Variants in AGPAT4 observed in about 807,000 individuals in gnomAD.
The protein encoded by AGPAT4 is 1-acyl-sn-glycerol-3-phosphate acyltransferase delta.
A neutral mutation model predicts 48.0 loss-of-function variants in AGPAT4; 15 were observed. That is an observed-to-expected ratio of 0.31 (90% CI 0.21 to 0.48). The LOEUF (loss-of-function observed/expected upper bound fraction) is 0.48. Among genes scored for constraint, AGPAT4 ranks in the 20% least tolerant of loss-of-function variants. The pLI is 0.99. For missense variants in AGPAT4, 314 were observed against 482.5 expected (o/e 0.65, Z 3.27); for synonymous variants, 178 against 198.7 (o/e 0.90, Z 0.88).
rs568903712 is a variant in AGPAT4 at position 161,251,068 on chromosome 6, T to C, written c.-89-18766A>G. Among the ~76,000 whole-genome samples, 17 of 152,340 alleles carry C rather than the reference T, an allele frequency of 1.1e-4. No homozygotes were observed. In the South Asian group the frequency reaches 3.5e-3, roughly 32 times the overall value. ...GTTTAAATTACGATGAAGTAAGAAC[T>C]GTAATTTCTTTCATAATGTTTAAAC... On this transcript the variant is annotated intron_variant, in intron 1 of 8. Coordinates refer to ENST00000320285, the MANE Select transcript of AGPAT4 (RefSeq NM_020133.3). The surrounding 1 kb of genome is among the most constrained non-coding windows in gnomAD (Gnocchi z 4.6).
Position 161,223,767 on chromosome 6 carries a change from G to C in AGPAT4, c.178+8269C>G, listed in dbSNP as rs1340477737. 1.3e-5 allele frequency among the ~76,000 whole-genome samples: 2 copies of C among 152,164 alleles called. No individual in the cohort carries two copies. Among genetic ancestry groups the C allele is most frequent in the African/African-American group, 4.8e-5 (2 of 41,438 alleles). ...CTTGGCTCCTCAAATGCAGGGCAGG[G>C]CTGGGTTGTGCCAAAGTGAAAGGCT... On this transcript the variant is annotated intron_variant, in intron 2 of 8. Coordinates refer to ENST00000320285, the MANE Select transcript of AGPAT4 (RefSeq NM_020133.3). This position sits in a 1 kb window ranked among gnomAD's most constrained non-coding sequence, Gnocchi z 6.3.
intron 8 of AGPAT4, 36 bp from the exon 9 acceptor site, chr6:161,136,670 CA>C (rs1562307271): frequency 1.3e-6 from 2 of 1,590,640 alleles, no homozygotes. Context: ...AGGAGTAGCC[CA>C]AACAGACTAC....
rs375011382 is a variant in AGPAT4 at position 161,228,661 on chromosome 6, T to TAAAAAA, written c.178+3369_178+3374dup. On this transcript the variant is annotated intron_variant, in intron 2 of 8. Coordinates refer to ENST00000320285, the MANE Select transcript of AGPAT4 (RefSeq NM_020133.3). ...TTTGAAACCCACAATGTCAGAGAGG[T>TAAAAAA]AAAAAAAAAAAAAAAAGCCAGTCTT... Among the ~76,000 whole-genome samples the TAAAAAA allele has an allele frequency of 2.1e-3, 174 of 84,106 alleles. 3 individuals carry two copies. Among genetic ancestry groups the TAAAAAA allele is most frequent in the African/African-American group, 8.9e-3 (160 of 17,882 alleles). 55.2% of individuals were successfully genotyped at this position (84,106 alleles called of 152,430 possible).
At position 161,130,962 on chromosome 6, in the gene AGPAT4, G is replaced by A. The variant is rs1778883148; in HGVS notation, c.*5578C>T. The stretch of plus-strand genomic sequence containing the variant: ...TTTGGCAAAGATCTGGCTAAAACTA[G>A]TACTATGGAATAGAAAAGGAAAAGT... On this transcript the variant is annotated 3_prime_UTR_variant, in exon 9 of 9. Coordinates refer to ENST00000320285, the MANE Select transcript of AGPAT4 (RefSeq NM_020133.3). The A allele has an allele frequency of 2.0e-6, 1 of 511,116 alleles. No individual in the cohort carries two copies. The highest frequency in any genetic ancestry group is 1.9e-5 in the African/African-American group (1 of 51,734). The allele number at this position is 511,116 out of a possible 1,614,324, so 31.7% of individuals were successfully genotyped here. A position where few individuals can be genotyped will look rare whatever the true frequency, so the allele number is the denominator to read the frequency against.
intron 1 of AGPAT4, among the ~76,000 whole-genome samples, chr6:161,248,685 G>T (rs1782731017): frequency 6.6e-6 from 1 of 151,772 alleles, no homozygotes; most frequent in African/African-American, 2.4e-5. Flanking sequence ...CACAACGAAT[G>T]AAGAAATATT....
In AGPAT4 at chr6:161,205,737, CAAT is replaced by C. The variant is rs761976412; in HGVS notation, c.178+26296_178+26298del. Among the ~76,000 whole-genome samples the C allele has an allele frequency of 2.1e-3, 306 of 145,666 alleles. 5 individuals carry two copies. Among genetic ancestry groups the C allele is most frequent in the East Asian group, 0.014 (69 of 4,886 alleles). Reference sequence around the variant, plus strand: ...AAAAGCCACAGAAAGGTTGAAATTACAATAATAATAATAATAATAATAATAACA... The same window carrying C: ...AAAAGCCACAGAAAGGTTGAAATTACAATAATAATAATAATAATAATAACA... On this transcript the variant is annotated intron_variant, in intron 2 of 8. Transcript: ENST00000320285.
Position 161,206,971 on chromosome 6 carries a change from G to A in AGPAT4, c.178+25065C>T, listed in dbSNP as rs1173860396. On this transcript the variant is annotated intron_variant, in intron 2 of 8. Coordinates refer to ENST00000320285, the MANE Select transcript of AGPAT4 (RefSeq NM_020133.3). The surrounding 1 kb of genome is among the most constrained non-coding windows in gnomAD (Gnocchi z 4.8). ...AGAACAGTAGAAATCAGCTCATCTG[G>A]ACAACAGAGAAAATAGGCTGAAAAA... Among the ~76,000 whole-genome samples the A allele has an allele frequency of 1.3e-5, 2 of 152,184 alleles. No homozygotes were observed. Among genetic ancestry groups the A allele is most frequent in the Non-Finnish European group, 2.9e-5 (2 of 68,038 alleles).
In AGPAT4 at chr6:161,164,847, C is replaced by G. The variant is rs1780047417; in HGVS notation, c.348+1401G>C. Among the ~76,000 whole-genome samples, 1 of 152,186 alleles carries G rather than the reference C, an allele frequency of 6.6e-6. No individual in the cohort carries two copies. The highest frequency in any genetic ancestry group is 2.4e-5 in the African/African-American group (1 of 41,444). On this transcript the variant is annotated intron_variant, in intron 3 of 8. Transcript: ENST00000320285. The surrounding 1 kb of genome is among the most constrained non-coding windows in gnomAD (Gnocchi z 7.4). ...CACGAATTATGAATGTTTGCACATTCTAAGCATGAACACTACCAGAAAGTA... is the reference window on the plus strand; with the variant it reads ...CACGAATTATGAATGTTTGCACATTGTAAGCATGAACACTACCAGAAAGTA...
chr6:161,173,642 C>T lies in AGPAT4; in HGVS notation c.179-7225G>A, dbSNP rs1039816947. 3.9e-5 allele frequency among the ~76,000 whole-genome samples: 6 copies of T among 152,264 alleles called. No homozygotes were observed. The South Asian group carries it at 1.2e-3, about 32-fold the overall frequency. The stretch of plus-strand genomic sequence containing the variant: ...TTTCTTTTGCTGTGCAGAAGCTCTT[C>T]AGTTTAATCAGATCCCATTTGTCAA... On this transcript the variant is annotated intron_variant, in intron 2 of 8. Transcript: ENST00000320285.
chr6:161,149,155 G>A lies in AGPAT4; in HGVS notation c.767+32C>T, dbSNP rs780326756. On this transcript the variant is annotated intron_variant, in intron 6 of 8. Transcript: ENST00000320285. The surrounding 1 kb of genome is among the most constrained non-coding windows in gnomAD (Gnocchi z 6.5). ...ATGTGTTTACTTTGAAATGGGCACT[G>A]TCTTTTCTGGAAAGGAAACAGTTCG... The A allele has an allele frequency of 8.7e-6, 14 of 1,605,074 alleles. No individual in the cohort carries two copies. Among genetic ancestry groups the A allele is most frequent in the Non-Finnish European group, 1.2e-5 (14 of 1,177,006 alleles).
intron 5 of AGPAT4, among the ~76,000 whole-genome samples, chr6:161,153,015 A>G (rs1025480317): frequency 8.5e-5 from 13 of 152,146 alleles, no homozygotes; most frequent in African/African-American, 3.1e-4. Flanking sequence ...TGCCCCTCAA[A>G]CCCAACTGTG....
At chr6:161,179,070 C>CAACCATTGCCTGTCATTT (rs1780509886) in intron 2 of AGPAT4, among the ~76,000 whole-genome samples, 4 of 152,134 alleles carry the variant, frequency 2.6e-5, no homozygotes, top group Non-Finnish European at 4.4e-5. Context: ...GCCTGCTATT[C>CAACCATTGCCTGTCATTT]AACCATTGCC....
rs1378950630 is a variant in AGPAT4 at position 161,184,664 on chromosome 6, C to T, written c.179-18247G>A. On this transcript the variant is annotated intron_variant, in intron 2 of 8. Transcript: ENST00000320285. The surrounding 1 kb of genome is among the most constrained non-coding windows in gnomAD (Gnocchi z 4.8). Reference sequence around the variant, plus strand: ...TGTTCCTCTCCTACACCTAGTGGCACGTCTCCTCACAGCCCATGCCCAGTC... The same window carrying T: ...TGTTCCTCTCCTACACCTAGTGGCATGTCTCCTCACAGCCCATGCCCAGTC... Among the ~76,000 whole-genome samples, 6 of 152,126 alleles carry T rather than the reference C, an allele frequency of 3.9e-5. No individual in the cohort carries two copies. The highest frequency in any genetic ancestry group is 1.9e-4 in the East Asian group (1 of 5,202).
Position 161,234,236 on chromosome 6 carries a change from C to A in AGPAT4, c.-89-1934G>T, listed in dbSNP as rs1782204735. Among the ~76,000 whole-genome samples the A allele has an allele frequency of 6.6e-6, 1 of 152,174 alleles. No homozygotes were observed. Reference sequence around the variant, plus strand: ...GGAGGCATGTTTGCACTTACTGGGACTATCCAGAAGGCAGGCTGCATTCCT... The same window carrying A: ...GGAGGCATGTTTGCACTTACTGGGAATATCCAGAAGGCAGGCTGCATTCCT... On this transcript the variant is annotated intron_variant, in intron 1 of 8. Coordinates refer to ENST00000320285, the MANE Select transcript of AGPAT4 (RefSeq NM_020133.3). This position sits in a 1 kb window ranked among gnomAD's most constrained non-coding sequence, Gnocchi z 4.4.
rs747808642 is a variant in AGPAT4 at position 161,138,539 on chromosome 6, G to A, written c.1042+883C>T. Among the ~76,000 whole-genome samples, 1 of 152,162 alleles carries A rather than the reference G, an allele frequency of 6.6e-6. No homozygotes were observed. The highest frequency in any genetic ancestry group is 1.5e-5 in the Non-Finnish European group (1 of 68,040). On this transcript the variant is annotated intron_variant, in intron 8 of 8. Coordinates refer to ENST00000320285, the MANE Select transcript of AGPAT4 (RefSeq NM_020133.3). This position sits in a 1 kb window ranked among gnomAD's most constrained non-coding sequence, Gnocchi z 4.8. ...TCATTAACGATTATCTGGGAAGTGG[G>A]CTCAATGGGAATGGTCTCCTGACAC...
intron 1 of AGPAT4, among the ~76,000 whole-genome samples, chr6:161,253,032 G>A (rs1474997409): frequency 3.3e-5 from 5 of 151,424 alleles, no homozygotes; most frequent in African/African-American, 9.7e-5. Context: ...TGGCCAATAC[G>A]GTGAAACCCC....
Position 161,237,287 on chromosome 6 carries a change from C to T in AGPAT4, c.-89-4985G>A, listed in dbSNP as rs1055267544. Reference sequence around the variant, plus strand: ...AATTTAGCCAATCATTTGGCAAAGTCTCTGGCAGTCCTCAAGGGCACATAC... The same window carrying T: ...AATTTAGCCAATCATTTGGCAAAGTTTCTGGCAGTCCTCAAGGGCACATAC... On this transcript the variant is annotated intron_variant, in intron 1 of 8. Transcript: ENST00000320285. Among the ~76,000 whole-genome samples the T allele has an allele frequency of 2.0e-5, 3 of 152,342 alleles. No homozygotes were observed. The South Asian group carries it at 6.2e-4, about 32-fold the overall frequency.
chr6:161,198,547 A>C lies in AGPAT4; in HGVS notation c.179-32130T>G, dbSNP rs1259635254. Reference sequence around the variant, plus strand: ...GAGAAAAATAAACCAGGTGGCAAACACTACCTTTATGGTAGAATTTAGACA... The same window carrying C: ...GAGAAAAATAAACCAGGTGGCAAACCCTACCTTTATGGTAGAATTTAGACA... On this transcript the variant is annotated intron_variant, in intron 2 of 8. Coordinates refer to ENST00000320285, the MANE Select transcript of AGPAT4 (RefSeq NM_020133.3). The surrounding 1 kb of genome is among the most constrained non-coding windows in gnomAD (Gnocchi z 4.3). Among the ~76,000 whole-genome samples, 1 of 152,248 alleles carries C rather than the reference A, an allele frequency of 6.6e-6. No homozygotes were observed. The highest frequency in any genetic ancestry group is 2.4e-5 in the African/African-American group (1 of 41,470).
At position 161,132,888 on chromosome 6, in the gene AGPAT4, C is replaced by A. The variant is rs1244888508; in HGVS notation, c.*3652G>T. 1 of 152,226 alleles carries A rather than the reference C, an allele frequency of 6.6e-6. No individual in the cohort carries two copies. The highest frequency in any genetic ancestry group is 1.9e-4 in the East Asian group (1 of 5,194). 9.4% of individuals were successfully genotyped at this position (152,226 alleles called of 1,614,324 possible). A position where few individuals can be genotyped will look rare whatever the true frequency, so the allele number is the denominator to read the frequency against. ...AGCTACAGACACAGGCGGGTTAGGG[C>A]CCGTCTTGCTTTCATGTTCTTTTAA... On this transcript the variant is annotated 3_prime_UTR_variant, in exon 9 of 9. Coordinates refer to ENST00000320285, the MANE Select transcript of AGPAT4 (RefSeq NM_020133.3).
Sources: gnomAD v4.1 joint callset for allele counts (sites outside exome capture counted in the v4.1 genomes callset) on GRCh38, gnomAD v4.1.1 for gene constraint, Gnocchi (gnomAD v3.1) non-coding constraint, MANE v1.5 for transcripts, NCBI Gene and HGNC (gene_info 2026-07-23, HGNC 2026-07-21) for gene names.